Variants in LRRC75A observed in about 807,000 individuals in gnomAD.
The protein encoded by LRRC75A is leucine-rich repeat-containing protein 75A.
Under a neutral mutation model 26.0 loss-of-function variants are expected in LRRC75A, and 12 were observed. The observed-to-expected ratio is 0.46, with a 90% CI of 0.30 to 0.75. The LOEUF is 0.75. Among genes scored for constraint, LRRC75A ranks in the 30% least tolerant of loss-of-function variants. The pLI, the probability that LRRC75A is intolerant of heterozygous loss-of-function variation, is 0.08. For synonymous variants in LRRC75A, 223 were observed against 219.3 expected (o/e 1.02, Z -0.15); for missense variants, 410 against 486.6 (o/e 0.84, Z 1.48).
chr17:16,480,662 A>C (rs2093831958), intron 1 of LRRC75A, among the ~76,000 whole-genome samples: 1 of 147,762 alleles, frequency 6.8e-6, no homozygotes, highest in South Asian at 2.1e-4. Context: ...AAAACTGGAG[A>C]CCACTGACAG....
intron 1 of LRRC75A, among the ~76,000 whole-genome samples, chr17:16,474,717 G>T (rs9892617): frequency 0.47 from 71,564 of 151,760 alleles, 17,658 homozygotes; most frequent in East Asian, 0.85. Context: ...TCCTGAGGCC[G>T]GGCGCGGTGG....
intron 1 of LRRC75A, among the ~76,000 whole-genome samples, chr17:16,485,631 A>AGTGTGTGTGTGTGTGTGTGT (rs35125617): frequency 1.9e-4 from 25 of 128,384 alleles, no homozygotes; most frequent in African/African-American, 3.2e-4. Context: ...CAGGACAAGC[A>AGTGTGTGTGTGTGTGTGTGT]GTGTGTGTGT....
In LRRC75A at chr17:16,442,858, G is replaced by A. The variant is rs975298768; in HGVS notation, c.*730C>T. On this transcript the variant is annotated 3_prime_UTR_variant, in exon 4 of 4. Transcript: ENST00000470794. ...GTAGTTTTTCAGCCAGCAGTGGGTA[G>A]GGAAGGTGGATAGGGGATTTCTGAA... 1 of 152,288 alleles carries A rather than the reference G, an allele frequency of 6.6e-6. No individual in the cohort carries two copies. Among genetic ancestry groups the A allele is most frequent in the African/African-American group, 2.4e-5 (1 of 41,470 alleles). 9.4% of individuals were successfully genotyped at this position (152,288 alleles called of 1,614,324 possible). A position where few individuals can be genotyped will look rare whatever the true frequency, so the allele number is the denominator to read the frequency against.
chr17:16,449,130 G>C (rs754777179), intron 2 of LRRC75A, among the ~76,000 whole-genome samples: 1 of 152,200 alleles, frequency 6.6e-6, no homozygotes, highest in Non-Finnish European at 1.5e-5. Context: ...GCTGGACTCA[G>C]ATGCAAACCC....
intron 1 of LRRC75A, among the ~76,000 whole-genome samples, chr17:16,467,216 C>T (rs552155646): frequency 2.6e-5 from 4 of 152,298 alleles, no homozygotes; most frequent in South Asian, 2.1e-4. Flanking sequence ...TGCAGCGGTG[C>T]GATCATAGCT....
chr17:16,453,903 C>G (rs540408097), intron 2 of LRRC75A, among the ~76,000 whole-genome samples: 1 of 152,260 alleles, frequency 6.6e-6, no homozygotes, highest in African/African-American at 2.4e-5. Context: ...AGCCATAAAA[C>G]TAGGCAGGTC....
chr17:16,488,283 C>T (rs528917446), intron 1 of LRRC75A, among the ~76,000 whole-genome samples: 1 of 152,376 alleles, frequency 6.6e-6, no homozygotes, highest in African/African-American at 2.4e-5. Flanking sequence ...CCAAAGCTGG[C>T]TTGTTTTATC....
At chr17:16,472,486 G>A (rs960780606) in intron 1 of LRRC75A, among the ~76,000 whole-genome samples, 13 of 152,194 alleles carry the variant, frequency 8.5e-5, no homozygotes, top group African/African-American at 3.1e-4. Flanking sequence ...GGGCTTGACT[G>A]CTCCAGAGAG....
intron 3 of LRRC75A, among the ~76,000 whole-genome samples, chr17:16,444,352 G>A (rs1482613848): frequency 6.6e-6 from 1 of 152,242 alleles, no homozygotes; most frequent in Non-Finnish European, 1.5e-5. Context: ...GCCGTAGCCT[G>A]AGGTATGTGG....
At chr17:16,483,531 C>T (rs12453841) in intron 1 of LRRC75A, among the ~76,000 whole-genome samples, 21,941 of 152,238 alleles carry the variant, frequency 0.14, 2,308 homozygotes, top group East Asian at 0.39. Context: ...AATAACTGAC[C>T]ACACATGGGA....
At chr17:16,466,219 G>A (rs1286644774) in intron 1 of LRRC75A, among the ~76,000 whole-genome samples, 2 of 152,198 alleles carry the variant, frequency 1.3e-5, no homozygotes, top group African/African-American at 2.4e-5. Flanking sequence ...TACCCACAGG[G>A]CTGGGTGTGA....
intron 2 of LRRC75A, among the ~76,000 whole-genome samples, chr17:16,451,994 G>A (rs148133908): frequency 0.011 from 1,585 of 150,412 alleles, 40 homozygotes; most frequent in East Asian, 0.1. Flanking sequence ...TGATCCGCCC[G>A]CCTCGGCCTC....
intron 3 of LRRC75A, among the ~76,000 whole-genome samples, chr17:16,444,526 G>A (rs560689737): frequency 6.6e-6 from 1 of 152,232 alleles, no homozygotes; most frequent in South Asian, 2.1e-4. Flanking sequence ...TACCACCCTG[G>A]GGTGGCAGCT....
At chr17:16,453,119 T>C (rs2093646536) in intron 2 of LRRC75A, among the ~76,000 whole-genome samples, 1 of 151,976 alleles carries the variant, frequency 6.6e-6, no homozygotes. Context: ...TGAAACCCCA[T>C]CTCTACTAAA....
At position 16,491,586 on chromosome 17, in the gene LRRC75A, G is replaced by C. The variant is rs903559052; in HGVS notation, c.246+159C>G. Among the ~76,000 whole-genome samples, 5 of 152,142 alleles carry C rather than the reference G, an allele frequency of 3.3e-5. No homozygotes were observed. Among genetic ancestry groups the C allele is most frequent in the Non-Finnish European group, 5.9e-5 (4 of 68,014 alleles). On this transcript the variant is annotated intron_variant, in intron 1 of 3. Transcript: ENST00000470794. The surrounding 1 kb of genome is among the most constrained non-coding windows in gnomAD (Gnocchi z 5.9). ...AGGCCCCACATTCAGCGGAAGCGCC[G>C]AGGCACCTGCTGCCAGACAGGGCTC...
chr17:16,483,796 C>A (rs1256400114), intron 1 of LRRC75A, among the ~76,000 whole-genome samples: 2 of 152,202 alleles, frequency 1.3e-5, no homozygotes, highest in East Asian at 3.8e-4. Flanking sequence ...CCTTGCCATC[C>A]CTCCCGGAGG....
chr17:16,472,596 T>C (rs1211151374), intron 1 of LRRC75A, among the ~76,000 whole-genome samples: 4 of 152,132 alleles, frequency 2.6e-5, no homozygotes, highest in African/African-American at 9.7e-5. Flanking sequence ...TGGAGCAAAG[T>C]GAGTGCTAAT....
chr17:16,446,596 A>G lies in LRRC75A; in HGVS notation c.491+1249T>C, dbSNP rs564546615. 7.9e-5 allele frequency among the ~76,000 whole-genome samples: 12 copies of G among 152,216 alleles called. No individual in the cohort carries two copies. The East Asian group carries it at 1.7e-3, about 22-fold the overall frequency. ...GGCGAGGAGAGCAAATCAGAGGCCCATGCTTGGATTTCATTCAGGTGCCAT... is the reference window on the plus strand; with the variant it reads ...GGCGAGGAGAGCAAATCAGAGGCCCGTGCTTGGATTTCATTCAGGTGCCAT... On this transcript the variant is annotated intron_variant, in intron 3 of 3. Transcript: ENST00000470794.
chr17:16,444,031 G>A lies in LRRC75A; in HGVS notation c.592C>T (p.Gln198Ter). The A allele has an allele frequency of 1.2e-6, 2 of 1,613,772 alleles. No individual in the cohort carries two copies. The highest frequency in any genetic ancestry group is 1.7e-6 in the Non-Finnish European group (2 of 1,179,872). Residue 198 changes from glutamine to a stop codon, truncating the protein, a stop_gained, in exon 4 of 4, where the codon CAG becomes TAG. Transcript: ENST00000470794. LOFTEE classifies it high-confidence loss of function. ...RDLERVTSYL[Q>*]RCGEQVDSVE... ...CTGTCTACCTGCTCCCCACAGCGCTGTAGGTAGCTGGTCACCCGCTCCAGG... is the reference window on the plus strand; with the variant it reads ...CTGTCTACCTGCTCCCCACAGCGCTATAGGTAGCTGGTCACCCGCTCCAGG...
Sources: allele counts gnomAD v4.1 joint callset (sites outside exome capture counted in the v4.1 genomes callset), GRCh38; gene constraint gnomAD v4.1.1; non-coding constraint Gnocchi (gnomAD v3.1); transcripts MANE v1.5; gene names NCBI Gene and HGNC (gene_info 2026-07-23, HGNC 2026-07-21).